The following XPO7 variants were observed in gnomAD, a reference collection of about 807,000 sequenced individuals.
XPO7 encodes the protein exportin-7.
In XPO7, 21 loss-of-function variants were observed where a neutral mutation model predicts 144.3. That is an observed-to-expected ratio of 0.15 (90% CI 0.10 to 0.21). XPO7 has a LOEUF of 0.21. Among genes scored for constraint, XPO7 ranks in the 10% least tolerant of loss-of-function variants. XPO7 has a pLI of 1.00. For synonymous variants in XPO7, 580 were observed against 499.6 expected (o/e 1.16, Z -2.15); for missense variants, 808 against 1,325.8 (o/e 0.61, Z 6.06).
chr8:21,920,726 A>G (rs1159312112), intron 1 of XPO7, among the ~76,000 whole-genome samples: 4 of 152,166 alleles, frequency 2.6e-5, no homozygotes, highest in Admixed American at 1.3e-4. Context: ...CAGAGATCTG[A>G]TATTTTTATG....
intron 10 of XPO7, 105 bp downstream of exon 10, chr8:21,981,982 A>ATGGTTACTGGACT (rs1812423010): frequency 4.7e-6 from 7 of 1,474,682 alleles, no homozygotes; most frequent in Non-Finnish European, 6.5e-6. Context: ...AAAGGTAACC[A>ATGGTTACTGGACT]TAAGTCCAGT....
intron 15 of XPO7, among the ~76,000 whole-genome samples, 159 bp downstream of exon 15, chr8:21,988,016 A>G (rs1015994192): frequency 6.6e-6 from 1 of 152,210 alleles, no homozygotes; most frequent in Non-Finnish European, 1.5e-5. Flanking sequence ...GTGCTTAGAG[A>G]TATGGCCCGG....
chr8:21,928,238 G>A (rs1263184260), intron 1 of XPO7, among the ~76,000 whole-genome samples: 1 of 152,194 alleles, frequency 6.6e-6, no homozygotes, highest in Non-Finnish European at 1.5e-5. Context: ...CTCTGAGATT[G>A]ATTCTCATTG....
chr8:21,946,585 A>G, intron 1 of XPO7, among the ~76,000 whole-genome samples: 1 of 50,348 alleles, frequency 2.0e-5, no homozygotes, highest in South Asian at 4.1e-4. Context: ...AAAAAAAAAA[A>G]CAAAAAAAAA....
intron 12 of XPO7, among the ~76,000 whole-genome samples, chr8:21,985,079 G>A (rs2309144): frequency 0.025 from 3,731 of 150,910 alleles, 75 homozygotes; most frequent in Middle Eastern, 0.038. Flanking sequence ...ATGTTGCCAC[G>A]TGGGCCTTGT....
intron 10 of XPO7, 77 bp from the exon 11 acceptor site, chr8:21,982,563 A>G: frequency 2.7e-6 from 4 of 1,465,960 alleles, no homozygotes; most frequent in Non-Finnish European, 3.6e-6. Context: ...AAAAGTCTTT[A>G]TCTTCTGTGT....
At chr8:21,960,200 G>A (rs1811678412) in intron 1 of XPO7, among the ~76,000 whole-genome samples, 1 of 152,186 alleles carries the variant, frequency 6.6e-6, no homozygotes, top group Non-Finnish European at 1.5e-5. Context: ...ACAGGAAGCT[G>A]GAAAACCAGA....
chr8:21,944,706 T>C (rs949844482), intron 1 of XPO7, among the ~76,000 whole-genome samples: 1 of 152,206 alleles, frequency 6.6e-6, no homozygotes. Flanking sequence ...GGTCAGCAGA[T>C]AAACATGTGA....
rs1426536159 is a variant in XPO7 at position 21,994,347 on chromosome 8, T to C, written c.2149-16T>C. 6.2e-7 allele frequency: 1 copy of C among 1,606,682 alleles called. No individual in the cohort carries two copies. The highest frequency in any genetic ancestry group is 8.5e-7 in the Non-Finnish European group (1 of 1,174,734). On this transcript the variant is annotated splice_polypyrimidine_tract_variant and intron_variant, in intron 19 of 27. Coordinates refer to ENST00000252512, the MANE Select transcript of XPO7 (RefSeq NM_015024.5). ...TCTTTTCTTCTATTTTAACACATTT[T>C]TGCCTTCTACTACAGCGAACTCTAG...
At chr8:21,999,450 AAGG>A (rs1813065403) in intron 23 of XPO7, 83 bp from the exon 24 acceptor site, 1 of 1,584,870 alleles carries the variant, frequency 6.3e-7, no homozygotes, top group African/African-American at 1.4e-5. Context: ...TCCCACCTAA[AAGG>A]AGCTAAGCTA....
chr8:21,924,607 A>G (rs1467482879), intron 1 of XPO7, among the ~76,000 whole-genome samples: 2 of 152,144 alleles, frequency 1.3e-5, no homozygotes, highest in Admixed American at 1.3e-4. Context: ...TCATAATATG[A>G]TGGAAGCTAT....
chr8:21,966,368 T>C lies in XPO7; in HGVS notation c.19-489T>C. The stretch of plus-strand genomic sequence containing the variant: ...AGAGGTTTTCTCGTACAGGTGACCA[T>C]CTTTACGCATATACATTATTGTAAG... On this transcript the variant is annotated intron_variant, in intron 1 of 27. Transcript: ENST00000252512. 5 of 772,354 alleles carry C rather than the reference T, an allele frequency of 6.5e-6. No homozygotes were observed. In the South Asian group the frequency reaches 6.9e-5, roughly 11 times the overall value. 47.8% of individuals were successfully genotyped at this position (772,354 alleles called of 1,614,324 possible). A position where few individuals can be genotyped will look rare whatever the true frequency, so the allele number is the denominator to read the frequency against.
intron 1 of XPO7, among the ~76,000 whole-genome samples, chr8:21,954,293 A>G (rs1300190675): frequency 6.6e-6 from 1 of 152,190 alleles, no homozygotes; most frequent in Non-Finnish European, 1.5e-5. Flanking sequence ...ACACCCAATA[A>G]TCCGGTTTGA....
At chr8:21,973,284 T>C (rs1812125017) in intron 5 of XPO7, among the ~76,000 whole-genome samples, 1 of 152,224 alleles carries the variant, frequency 6.6e-6, no homozygotes, top group Non-Finnish European at 1.5e-5. Flanking sequence ...CCCCACAGAG[T>C]ACATAAATTT....
rs1402413680 is a variant in XPO7 at position 21,995,481 on chromosome 8, C to G, written c.2238-11C>G. 4.4e-6 allele frequency: 7 copies of G among 1,593,026 alleles called. No homozygotes were observed. Among genetic ancestry groups the G allele is most frequent in the East Asian group, 2.2e-5 (1 of 44,552 alleles). ...GGAATCAGAAATCTTTCCTTAGCTTCTCATTTACAGATATCCATCCTATAT... is the reference window on the plus strand; with the variant it reads ...GGAATCAGAAATCTTTCCTTAGCTTGTCATTTACAGATATCCATCCTATAT... On this transcript the variant is annotated splice_polypyrimidine_tract_variant and intron_variant, in intron 20 of 27. Transcript: ENST00000252512.
At chr8:21,964,812 C>A (rs1490373094) in intron 1 of XPO7, among the ~76,000 whole-genome samples, 1 of 152,180 alleles carries the variant, frequency 6.6e-6, no homozygotes. Context: ...AGGTTTTTAG[C>A]AGTAAGGAAC....
At chr8:21,967,424 G>A (rs560559978) in intron 2 of XPO7, among the ~76,000 whole-genome samples, 94 of 152,152 alleles carry the variant, frequency 6.2e-4, no homozygotes, top group African/African-American at 7.7e-4. Context: ...TCCACCTCCC[G>A]GGTTCAAGTG....
intron 19 of XPO7, 119 bp from the exon 20 acceptor site, chr8:21,994,244 A>G (rs1812866285): frequency 1.6e-6 from 1 of 618,144 alleles, no homozygotes; most frequent in Admixed American, 2.5e-5. Context: ...AATATTTGAG[A>G]AGGAGTATAT....
At chr8:21,924,953 A>G (rs1186533350) in intron 1 of XPO7, among the ~76,000 whole-genome samples, 1 of 152,244 alleles carries the variant, frequency 6.6e-6, no homozygotes, top group Non-Finnish European at 1.5e-5. Context: ...AGAAGGAAAT[A>G]CAAGATGTGA....
Sources: gnomAD v4.1 joint callset for allele counts (sites outside exome capture counted in the v4.1 genomes callset) on GRCh38, gnomAD v4.1.1 for gene constraint, MANE v1.5 for transcripts, NCBI Gene and HGNC (gene_info 2026-07-23, HGNC 2026-07-21) for gene names.